Variants in HSD17B2 observed in about 807,000 individuals in gnomAD.
HSD17B2 encodes 17-beta-hydroxysteroid dehydrogenase type 2.
HSD17B2 carries 32 observed loss-of-function variants against 26.9 expected under a neutral mutation model. The observed-to-expected ratio is 1.19, with a 90% CI of 0.90 to 1.60. The LOEUF is 1.60. Ranked by LOEUF, HSD17B2 falls within the 40% of genes most tolerant of loss-of-function variation. HSD17B2 has a pLI of 0.00. For synonymous variants in HSD17B2, 246 were observed against 186.7 expected (o/e 1.32, Z -2.59); for missense variants, 613 against 468.6 (o/e 1.31, Z -2.85).
intron 1 of HSD17B2, among the ~76,000 whole-genome samples, chr16:82,048,406 A>ACAGGAAGGAGTCCCAGTGCAAAGG (rs1485360304): frequency 5.9e-5 from 9 of 152,196 alleles, no homozygotes; most frequent in Non-Finnish European, 1.3e-4. Context: ...AGGAAAGGGC[A>ACAGGAAGGAGTCCCAGTGCAAAGG]CAGGAAGGAG....
rs201533843 is a variant in HSD17B2, at chr16:82,098,106, G to T, written c.834G>T (p.Lys278Asn). 1.2e-6 allele frequency: 2 copies of T among 1,613,672 alleles called. No homozygotes were observed. Among genetic ancestry groups the T allele is most frequent in the African/African-American group, 2.7e-5 (2 of 75,034 alleles). ...CAGGCACCAGTGACAAGTGGGAAAA[G>T]CTGGAGAAGGACATTCTGGACCACC... is the stretch of plus-strand genomic sequence containing the variant. Reference protein sequence around the residue: ...NIAGTSDKWEKLEKDILDHLP... With the variant: ...NIAGTSDKWENLEKDILDHLP... The change falls in exon 5 of 5, where the codon AAG (lysine) becomes AAT (asparagine). Residue 278 changes from lysine (K) to asparagine (N), a missense_variant. Lys to Asn is a moderately conservative substitution (Grantham distance 94). Transcript: ENST00000199936.
At chr16:82,041,717 G>A (rs953756301) in intron 1 of HSD17B2, among the ~76,000 whole-genome samples, 6 of 152,080 alleles carry the variant, frequency 3.9e-5, no homozygotes, top group African/African-American at 1.2e-4. Flanking sequence ...TGACTCTTCC[G>A]GGTTCTTCCT....
Position 82,098,273 on chromosome 16 carries a change from CT to C in HSD17B2, c.1005del (p.Phe335LeufsTer43), listed in dbSNP as rs1228645928. On this transcript the variant is annotated frameshift_variant, in exon 5 of 5. Transcript: ENST00000199936. LOFTEE classifies it low-confidence loss of function (END_TRUNC). The part of the protein sequence containing the change: ...DIQHAILAKS[P>X]FAYYTPGKGA... ...CAGCATGCTATCTTGGCGAAGAGCC[CT>C]TTTGCCTATTACACGCCAGGGAAAG... is the stretch of plus-strand genomic sequence containing the variant. 6.2e-7 allele frequency: 1 copy of C among 1,614,220 alleles called. No homozygotes were observed. The highest frequency in any genetic ancestry group is 8.5e-7 in the Non-Finnish European group (1 of 1,180,024).
intron 1 of HSD17B2, among the ~76,000 whole-genome samples, chr16:82,043,912 T>G (rs1913840212): frequency 6.6e-6 from 1 of 152,176 alleles, no homozygotes; most frequent in African/African-American, 2.4e-5. Context: ...GAACTATTCT[T>G]CCCTTGAAGT....
At chr16:82,073,027 C>G (rs1363923273) in intron 3 of HSD17B2, among the ~76,000 whole-genome samples, 1 of 152,116 alleles carries the variant, frequency 6.6e-6, no homozygotes, top group African/African-American at 2.4e-5. Context: ...TGTCACTGTA[C>G]TCTAGCCTGG....
At chr16:82,047,755 T>G (rs1425134042) in intron 1 of HSD17B2, among the ~76,000 whole-genome samples, 2 of 152,220 alleles carry the variant, frequency 1.3e-5, no homozygotes, top group African/African-American at 4.8e-5. Context: ...CTATCATGGC[T>G]CTCATCATAT....
At chr16:82,053,639 C>A (rs143744728) in intron 1 of HSD17B2, among the ~76,000 whole-genome samples, 1 of 152,068 alleles carries the variant, frequency 6.6e-6, no homozygotes, top group African/African-American at 2.4e-5. Flanking sequence ...AGCACCTAGC[C>A]CAGCATGGGG....
intron 1 of HSD17B2, among the ~76,000 whole-genome samples, chr16:82,052,661 CTCTCTATTTTTTTAT>C (rs1214127048): frequency 1.3e-5 from 2 of 152,162 alleles, no homozygotes; most frequent in Non-Finnish European, 2.9e-5. Context: ...TCTTGCCCAT[CTCTCTATTTTTTTAT>C]GCTCAAAACT....
intron 1 of HSD17B2, among the ~76,000 whole-genome samples, chr16:82,037,528 T>C (rs1362184234): frequency 6.6e-6 from 1 of 152,194 alleles, no homozygotes; most frequent in African/African-American, 2.4e-5. Context: ...ACCATACATA[T>C]GGTTCCTTTA....
At chr16:82,079,109 C>T (rs1173549752) in intron 3 of HSD17B2, among the ~76,000 whole-genome samples, 1 of 152,116 alleles carries the variant, frequency 6.6e-6, no homozygotes, top group African/African-American at 2.4e-5. Flanking sequence ...TTATGTATTG[C>T]ATGCTTGTAT....
intron 1 of HSD17B2, among the ~76,000 whole-genome samples, chr16:82,036,721 A>C (rs577313169): frequency 3.9e-5 from 6 of 152,296 alleles, no homozygotes; most frequent in Middle Eastern, 6.8e-3. Context: ...ACAGAAAAGA[A>C]GCTTCTTTAA....
At chr16:82,063,652 C>G (rs1473204302) in intron 1 of HSD17B2, among the ~76,000 whole-genome samples, 2 of 152,170 alleles carry the variant, frequency 1.3e-5, no homozygotes, top group African/African-American at 2.4e-5. Flanking sequence ...CAAGATGAGG[C>G]AGTAAATATT....
intron 1 of HSD17B2, among the ~76,000 whole-genome samples, chr16:82,041,746 T>C (rs1415639391): frequency 1.3e-5 from 2 of 152,238 alleles, no homozygotes; most frequent in East Asian, 3.8e-4. Flanking sequence ...TCCAAGGTAA[T>C]CTCTGACTCT....
At chr16:82,070,858 T>C (rs1172967348) in intron 2 of HSD17B2, 84 bp from the exon 3 acceptor site, 1 of 1,312,560 alleles carries the variant, frequency 7.6e-7, no homozygotes, top group Non-Finnish European at 1.1e-6. Flanking sequence ...ACGTAACACC[T>C]CTTGCATGGT....
At chr16:82,067,831 C>T (rs926157146) in intron 1 of HSD17B2, among the ~76,000 whole-genome samples, 1 of 152,236 alleles carries the variant, frequency 6.6e-6, no homozygotes, top group Non-Finnish European at 1.5e-5. Context: ...TTATAGATTA[C>T]TGAAGCTACT....
At chr16:82,067,742 G>A (rs1272763871) in intron 1 of HSD17B2, among the ~76,000 whole-genome samples, 5 of 152,198 alleles carry the variant, frequency 3.3e-5, no homozygotes, top group East Asian at 1.9e-4. Flanking sequence ...AGGCAAAACC[G>A]AGTCCAAAGT....
At chr16:82,054,948 C>T (rs942234842) in intron 1 of HSD17B2, among the ~76,000 whole-genome samples, 11 of 152,228 alleles carry the variant, frequency 7.2e-5, no homozygotes, top group African/African-American at 1.4e-4. Flanking sequence ...TTCTCAACCT[C>T]GGCTCTCTTA....
chr16:82,085,058 C>G (rs1904486171), intron 3 of HSD17B2, among the ~76,000 whole-genome samples: 1 of 152,168 alleles, frequency 6.6e-6, no homozygotes, highest in South Asian at 2.1e-4. Flanking sequence ...TTACTTTATA[C>G]CAAAGCAAGC....
intron 1 of HSD17B2, among the ~76,000 whole-genome samples, chr16:82,064,692 T>C (rs746621316): frequency 6.6e-6 from 1 of 152,186 alleles, no homozygotes; most frequent in Non-Finnish European, 1.5e-5. Context: ...GGATGTGGAA[T>C]TTCTTAAAGC....
Sources: gnomAD v4.1 joint callset for allele counts (sites outside exome capture counted in the v4.1 genomes callset) on GRCh38, gnomAD v4.1.1 for gene constraint, MANE v1.5 for transcripts, NCBI Gene and HGNC (gene_info 2026-07-23, HGNC 2026-07-21) for gene names.